Variants in UBAP2 observed in about 807,000 individuals in gnomAD.
The protein encoded by UBAP2 is ubiquitin-associated protein 2.
In UBAP2, 75 loss-of-function variants were observed where a neutral mutation model predicts 139.6. That is an observed-to-expected ratio of 0.54 (90% confidence interval 0.45 to 0.65). The LOEUF (loss-of-function observed/expected upper bound fraction) is 0.65. Among genes scored for constraint, UBAP2 ranks in the 30% least tolerant of loss-of-function variants. The pLI, the probability that UBAP2 is intolerant of heterozygous loss-of-function variation, is 0.00. For missense variants in UBAP2, 1,368 were observed against 1,369.6 expected (o/e 1.00, Z 0.02); for synonymous variants, 526 against 526.2 (o/e 1.00, Z 0.01).
At chr9:33,931,361 G>A (rs1226373126) in intron 19 of UBAP2, among the ~76,000 whole-genome samples, 1 of 152,148 alleles carries the variant, frequency 6.6e-6, no homozygotes, top group African/African-American at 2.4e-5. Context: ...GGGACCCACT[G>A]GATGAGACGA....
rs745449642 is a variant in UBAP2 at position 33,922,607 on chromosome 9, A to G, written c.3265-8T>C. 6.2e-7 allele frequency: 1 copy of G among 1,612,378 alleles called. No homozygotes were observed. On this transcript the variant is annotated splice_polypyrimidine_tract_variant and splice_region_variant and intron_variant, in intron 28 of 28. Transcript: ENST00000379238. ...GCGCTGACCCGAGCCACTCTGAGGA[A>G]GAGGAGAAGGGAAGGCTGTCAAGGC...
chr9:33,941,890 A>T (rs1186084810), intron 15 of UBAP2, 28 bp from the exon 16 acceptor site: 1 of 1,561,714 alleles, frequency 6.4e-7, no homozygotes, highest in Admixed American at 1.7e-5. Flanking sequence ...TATTCAACAT[A>T]ATTTTGTTAC....
Position 33,922,325 on chromosome 9 carries a change from C to T in UBAP2, c.*179G>A, listed in dbSNP as rs774157515. On this transcript the variant is annotated 3_prime_UTR_variant, in exon 29 of 29. Coordinates refer to ENST00000379238, the MANE Select transcript of UBAP2 (RefSeq NM_001370062.2). Reference sequence around the variant, plus strand: ...CCCCCCCAGACTTCTATCACATTTACAAATACATACATAAATACATTACAT... The same window carrying T: ...CCCCCCCAGACTTCTATCACATTTATAAATACATACATAAATACATTACAT... 4.1e-5 allele frequency: 26 copies of T among 635,548 alleles called. No homozygotes were observed. Among genetic ancestry groups the T allele is most frequent in the Non-Finnish European group, 6.6e-5 (24 of 365,082 alleles). 39.4% of individuals were successfully genotyped at this position (635,548 alleles called of 1,614,324 possible).
intron 3 of UBAP2, chr9:33,997,990 CAAAGA>C (rs1481189323): frequency 6.6e-6 from 1 of 152,070 alleles, no homozygotes; most frequent in Non-Finnish European, 1.5e-5. Context: ...AAAGGGTCAG[CAAAGA>C]AGAGTTAGAA....
chr9:34,044,090 C>CAA (rs74180528), intron 1 of UBAP2, among the ~76,000 whole-genome samples: 7 of 85,148 alleles, frequency 8.2e-5, no homozygotes, highest in Admixed American at 1.4e-4. Flanking sequence ...AACTCCACCT[C>CAA]AAAAAAAAAA....
chr9:34,041,525 C>T (rs532871231), intron 1 of UBAP2, among the ~76,000 whole-genome samples: 2 of 150,682 alleles, frequency 1.3e-5, no homozygotes, highest in Admixed American at 6.7e-5. Flanking sequence ...GGTGAAACCC[C>T]GTCTCTACTA....
At chr9:34,002,074 A>T (rs1822755936) in intron 2 of UBAP2, among the ~76,000 whole-genome samples, 1 of 151,858 alleles carries the variant, frequency 6.6e-6, no homozygotes, top group Non-Finnish European at 1.5e-5. Context: ...CTCTGACCTC[A>T]GCCTCCTGAG....
At chr9:33,978,493 C>T (rs1439957342) in intron 6 of UBAP2, among the ~76,000 whole-genome samples, 1 of 152,112 alleles carries the variant, frequency 6.6e-6, no homozygotes, top group Non-Finnish European at 1.5e-5. Flanking sequence ...AGGAACTAGG[C>T]CGGGTGCAGT....
chr9:33,970,927 C>G (rs908995496), intron 8 of UBAP2, among the ~76,000 whole-genome samples: 1 of 152,104 alleles, frequency 6.6e-6, no homozygotes, highest in Non-Finnish European at 1.5e-5. Context: ...CTCAGCCTCC[C>G]GAGTAGCTGG....
chr9:34,007,290 T>C (rs923290117), intron 2 of UBAP2, among the ~76,000 whole-genome samples: 2 of 152,020 alleles, frequency 1.3e-5, no homozygotes, highest in Non-Finnish European at 2.9e-5. Flanking sequence ...GCCTAAGAGT[T>C]TGAAACCAGC....
At chr9:34,036,731 T>C (rs1042817441) in intron 1 of UBAP2, among the ~76,000 whole-genome samples, 9 of 152,038 alleles carry the variant, frequency 5.9e-5, no homozygotes, top group South Asian at 2.1e-4. Context: ...AGAACCATCA[T>C]TCAGGCCTAA....
At chr9:34,042,665 G>C (rs1182517489) in intron 1 of UBAP2, among the ~76,000 whole-genome samples, 1 of 151,876 alleles carries the variant, frequency 6.6e-6, no homozygotes, top group Non-Finnish European at 1.5e-5. Flanking sequence ...CTATAATGTA[G>C]GGTAATGGTT....
At chr9:33,956,621 G>A (rs7869836) in intron 10 of UBAP2, among the ~76,000 whole-genome samples, 19,244 of 151,900 alleles carry the variant, frequency 0.13, 1,553 homozygotes, top group African/African-American at 0.22. Flanking sequence ...AAGCCATGGC[G>A]CCCGGCTGCA....
At chr9:33,984,852 G>A (rs1821070549) in intron 6 of UBAP2, among the ~76,000 whole-genome samples, 1 of 152,180 alleles carries the variant, frequency 6.6e-6, no homozygotes, top group African/African-American at 2.4e-5. Flanking sequence ...AAAATAGCCT[G>A]TAATCCCAAC....
chr9:33,941,364 T>C (rs180921272), intron 16 of UBAP2, among the ~76,000 whole-genome samples: 4 of 152,240 alleles, frequency 2.6e-5, no homozygotes, highest in Admixed American at 2.0e-4. Context: ...TTCAGAGATA[T>C]TTCAGACAAT....
intron 2 of UBAP2, among the ~76,000 whole-genome samples, chr9:34,009,074 T>G (rs1331472035): frequency 6.6e-6 from 1 of 150,790 alleles, no homozygotes; most frequent in Non-Finnish European, 1.5e-5. Flanking sequence ...TATTCCAAAA[T>G]AATTTTTCCC....
chr9:33,963,970 T>C (rs556959093), intron 8 of UBAP2, among the ~76,000 whole-genome samples, 179 bp from the exon 9 acceptor site: 13 of 152,358 alleles, frequency 8.5e-5, no homozygotes, highest in African/African-American at 2.6e-4. Context: ...AATCTTATCC[T>C]TGATGGCTCT....
chr9:34,006,159 G>T (rs1823192477), intron 2 of UBAP2, among the ~76,000 whole-genome samples: 1 of 151,782 alleles, frequency 6.6e-6, no homozygotes, highest in Non-Finnish European at 1.5e-5. Flanking sequence ...CTTGAACCCG[G>T]GAGGCCAGAG....
At chr9:34,025,003 T>C (rs911411420) in intron 1 of UBAP2, among the ~76,000 whole-genome samples, 4 of 151,864 alleles carry the variant, frequency 2.6e-5, no homozygotes, top group Admixed American at 6.6e-5. Context: ...AAAAAACTTC[T>C]GATAATTGTG....
Sources: allele counts gnomAD v4.1 joint callset (sites outside exome capture counted in the v4.1 genomes callset), GRCh38; gene constraint gnomAD v4.1.1; transcripts MANE v1.5; gene names NCBI Gene and HGNC (gene_info 2026-07-23, HGNC 2026-07-21).